PXYLP1: variants seen among roughly 807,000 people sequenced by gnomAD.
The protein encoded by PXYLP1 is 2-phosphoxylose phosphatase 1, also known as acid phosphatase-like 2.
A neutral mutation model predicts 37.9 loss-of-function variants in PXYLP1; 17 were observed. The ratio of observed to expected loss-of-function variants is 0.45; its 90% CI spans 0.31 to 0.67. PXYLP1 has a LOEUF of 0.67. Ranked by LOEUF, PXYLP1 falls within the 30% of genes least tolerant of loss-of-function variation. The probability of loss-of-function intolerance (pLI) is 0.07; values close to 1 mark genes in which losing one functional copy is unlikely to be tolerated. For missense variants in PXYLP1, 511 were observed against 612.0 expected (o/e 0.84, Z 1.74); for synonymous variants, 221 against 232.2 (o/e 0.95, Z 0.44).
At chr3:141,242,658 G>A (rs945606962) in intron 1 of PXYLP1, among the ~76,000 whole-genome samples, 5 of 152,206 alleles carry the variant, frequency 3.3e-5, no homozygotes, top group African/African-American at 9.6e-5. Context: ...GCTTCAAGCT[G>A]GGTTAATCTG....
intron 1 of PXYLP1, among the ~76,000 whole-genome samples, chr3:141,242,405 C>T (rs1940827137): frequency 6.6e-6 from 1 of 152,212 alleles, no homozygotes; most frequent in Non-Finnish European, 1.5e-5. Flanking sequence ...ACTTTCAGCA[C>T]TGCCTGAGAA....
Position 141,287,499 on chromosome 3 carries a change from C to G in PXYLP1, c.505+46C>G, listed in dbSNP as rs145543475. On this transcript the variant is annotated intron_variant, in intron 5 of 5. Coordinates refer to ENST00000286353, the MANE Select transcript of PXYLP1 (RefSeq NM_001037172.3). ...CTCAGGGGTTCCCCCACCCGCTCTT[C>G]TGCTTGCATACCTTCCGAGCAGTTC... The G allele has an allele frequency of 6.1e-5, 97 of 1,596,388 alleles. No homozygotes were observed. In the African/African-American group the frequency reaches 1.2e-3, roughly 20 times the overall value.
intron 2 of PXYLP1, among the ~76,000 whole-genome samples, chr3:141,276,597 G>A (rs1416722733): frequency 6.6e-6 from 1 of 152,200 alleles, no homozygotes; most frequent in Non-Finnish European, 1.5e-5. Flanking sequence ...ATTACAAACA[G>A]CACTGCAGGG....
chr3:141,280,353 G>A (rs80209660), intron 4 of PXYLP1, among the ~76,000 whole-genome samples: 7,355 of 152,300 alleles, frequency 0.048, 286 homozygotes, highest in East Asian at 0.12. Context: ...TTTGTAGCTC[G>A]TCTTGCAGGG....
chr3:141,248,536 TACAC>T (rs1164498280), intron 1 of PXYLP1, among the ~76,000 whole-genome samples: 3 of 148,120 alleles, frequency 2.0e-5, no homozygotes, highest in African/African-American at 7.5e-5. Context: ...CGTATATATA[TACAC>T]ACACGTATAT....
chr3:141,262,675 A>C, intron 2 of PXYLP1: 2 of 1,533,174 alleles, frequency 1.3e-6, no homozygotes, highest in Non-Finnish European at 1.7e-6. Flanking sequence ...GATACGTTGG[A>C]GATCGGAAAG....
chr3:141,279,537 A>G, intron 4 of PXYLP1, 33 bp downstream of exon 4: 4 of 1,613,432 alleles, frequency 2.5e-6, no homozygotes, highest in Non-Finnish European at 3.4e-6. Context: ...GTCATTTTCA[A>G]GTGTCTGTTA....
At chr3:141,232,626 A>G (rs1248064725) in intron 1 of PXYLP1, among the ~76,000 whole-genome samples, 1 of 152,184 alleles carries the variant, frequency 6.6e-6, no homozygotes, top group Admixed American at 6.5e-5. Context: ...TTGCTGGTGA[A>G]CTTGCCTATG....
chr3:141,282,483 A>AACACACACACACACAC lies in PXYLP1; in HGVS notation c.365+2995_365+3010dup, dbSNP rs3069374. Among the ~76,000 whole-genome samples, 887 of 147,630 alleles carry AACACACACACACACAC rather than the reference A, an allele frequency of 6.0e-3. 10 individuals carry two copies. Among genetic ancestry groups the AACACACACACACACAC allele is most frequent in the African/African-American group, 0.021 (833 of 40,142 alleles). On this transcript the variant is annotated intron_variant, in intron 4 of 5. Coordinates refer to ENST00000286353, the MANE Select transcript of PXYLP1 (RefSeq NM_001037172.3). The stretch of plus-strand genomic sequence containing the variant: ...CATCTGTTACTTTCTAACCCAGACA[A>AACACACACACACACAC]ACACACACACACACACACACACACA...
chr3:141,248,643 GTATA>G (rs1177225209), intron 1 of PXYLP1, among the ~76,000 whole-genome samples: 1 of 83,126 alleles, frequency 1.2e-5, no homozygotes, highest in Non-Finnish European at 2.2e-5. Flanking sequence ...ATACACACGT[GTATA>G]TATACACACG....
At chr3:141,273,566 G>T (rs1307672753) in intron 2 of PXYLP1, 2 of 985,352 alleles carry the variant, frequency 2.0e-6, no homozygotes, top group African/African-American at 3.5e-5. Context: ...TTTTACTCAT[G>T]ATTCTAAGAA....
chr3:141,277,664 A>G (rs563224732), intron 2 of PXYLP1, among the ~76,000 whole-genome samples: 2 of 152,356 alleles, frequency 1.3e-5, no homozygotes, highest in Admixed American at 1.3e-4. Flanking sequence ...TTGACAGTCC[A>G]GCCTGACCAC....
rs145988315 is a variant in PXYLP1, at chr3:141,292,800, C to A, written c.1038C>A (p.Leu346=). ...AGAAATTGTACTTCGGGTATTCTCT[C>A]CTGGGTGCCCACCCCATCCTGAACC... ...REKKLYFGYS[L]LGAHPILNQT... is the part of the protein sequence containing the mutation. Residue 346 remains leucine, a synonymous_variant, in exon 6 of 6, where the codon CTC becomes CTA. Coordinates refer to ENST00000286353, the MANE Select transcript of PXYLP1 (RefSeq NM_001037172.3). This position sits in a 1 kb window ranked among gnomAD's most constrained non-coding sequence, Gnocchi z 4.3. 2 of 1,613,572 alleles carry A rather than the reference C, an allele frequency of 1.2e-6. No homozygotes were observed. The highest frequency in any genetic ancestry group is 4.5e-5 in the East Asian group (2 of 44,880).
intron 4 of PXYLP1, among the ~76,000 whole-genome samples, chr3:141,279,756 T>G (rs555894838): frequency 6.6e-6 from 1 of 152,316 alleles, no homozygotes; most frequent in East Asian, 1.9e-4. Flanking sequence ...CTGATGTTTT[T>G]CACTTTAATA....
intron 1 of PXYLP1, among the ~76,000 whole-genome samples, chr3:141,239,056 G>A (rs1311086477): frequency 1.2e-5 from 1 of 82,640 alleles, no homozygotes; most frequent in South Asian, 5.4e-4. Flanking sequence ...TTTAAATGAA[G>A]TTTTGTCTTA....
At chr3:141,262,853 C>T (rs894791835) in intron 2 of PXYLP1, 48 of 630,780 alleles carry the variant, frequency 7.6e-5, no homozygotes, top group African/African-American at 5.6e-4. Context: ...GCACAGGTTT[C>T]GCTTATATAC....
In PXYLP1 at chr3:141,292,294, C is replaced by G; in HGVS notation, c.532C>G (p.Gln178Glu). 6.2e-7 allele frequency: 1 copy of G among 1,601,210 alleles called. No individual in the cohort carries two copies. Among genetic ancestry groups the G allele is most frequent in the South Asian group, 1.1e-5 (1 of 89,500 alleles). Residue 178 changes from glutamine (Q) to glutamate (E), a missense_variant, in exon 6 of 6, where the codon CAG becomes GAG. Physicochemically the swap from Gln to Glu is conservative, Grantham distance 29. Transcript: ENST00000286353. This position sits in a 1 kb window ranked among gnomAD's most constrained non-coding sequence, Gnocchi z 4.3. ...AGTTGTGCAGCATTTGCAGAACGGT[C>G]AGCTGCTGAGGGATATCTATCTAAA... is the stretch of plus-strand genomic sequence containing the variant. The part of the protein sequence containing the change: ...TGVVQHLQNG[Q>E]LLRDIYLKKH...
At chr3:141,235,272 G>A (rs774783644) in intron 1 of PXYLP1, 3 of 152,276 alleles carry the variant, frequency 2.0e-5, no homozygotes, top group Non-Finnish European at 4.4e-5. Flanking sequence ...GGCTTAGCAC[G>A]GCAGGAGAGC....
chr3:141,236,874 TA>T (rs1940669493), intron 1 of PXYLP1, among the ~76,000 whole-genome samples: 1 of 152,162 alleles, frequency 6.6e-6, no homozygotes, highest in Non-Finnish European at 1.5e-5. Flanking sequence ...AAAACATAGA[TA>T]TAAATATGAA....
Sources: gnomAD v4.1 joint callset for allele counts (sites outside exome capture counted in the v4.1 genomes callset) on GRCh38, gnomAD v4.1.1 for gene constraint, Gnocchi (gnomAD v3.1) non-coding constraint, MANE v1.5 for transcripts, NCBI Gene and HGNC (gene_info 2026-07-23, HGNC 2026-07-21) for gene names.